The following IDNK variants were observed in gnomAD, a reference collection of about 807,000 sequenced individuals.
IDNK encodes gluconokinase.
In IDNK, 9 loss-of-function variants were observed where a neutral mutation model predicts 13.0. That is an observed-to-expected ratio of 0.69 (90% CI 0.42 to 1.21). IDNK has a LOEUF of 1.21. IDNK is among the 50% of genes most tolerant of loss of function. IDNK has a pLI of 0.00. For missense variants in IDNK, 210 were observed against 237.8 expected (o/e 0.88, Z 0.77); for synonymous variants, 92 against 94.9 (o/e 0.97, Z 0.18).
At chr9:83,625,992 TAATG>T (rs1157272372) in intron 1 of IDNK, among the ~76,000 whole-genome samples, 1 of 152,250 alleles carries the variant, frequency 6.6e-6, no homozygotes, top group Admixed American at 6.5e-5. Flanking sequence ...TTCACAATCT[TAATG>T]AAGCCACCCT....
At chr9:83,640,899 T>C (rs1048399483) in intron 3 of IDNK, among the ~76,000 whole-genome samples, 4 of 152,198 alleles carry the variant, frequency 2.6e-5, no homozygotes, top group Admixed American at 6.5e-5. Flanking sequence ...CTTTGTACTA[T>C]TTTGTCTGCT....
intron 3 of IDNK, among the ~76,000 whole-genome samples, chr9:83,629,446 C>T (rs1830952792): frequency 1.3e-5 from 2 of 152,228 alleles, no homozygotes; most frequent in Admixed American, 6.5e-5. Context: ...ACTTACACTG[C>T]TAAGCATGCA....
chr9:83,639,837 T>C (rs1340266891), intron 3 of IDNK, among the ~76,000 whole-genome samples: 1 of 152,196 alleles, frequency 6.6e-6, no homozygotes, highest in Non-Finnish European at 1.5e-5. Context: ...TTTATGTTAC[T>C]CCTTTGAAGT....
Position 83,643,733 on chromosome 9 carries a change from G to A in IDNK, c.517G>A (p.Val173Ile). Reference sequence around the variant, plus strand: ...TATCCAAATAAGTGTGGACAAAAATGTTTCAGAGATAATTGCTACAATTAT... The same window carrying A: ...TATCCAAATAAGTGTGGACAAAAATATTTCAGAGATAATTGCTACAATTAT... ...NFIQISVDKN[V>I]SEIIATIMET... Residue 173 changes from valine to isoleucine, a missense_variant, in exon 5 of 5, where the codon GTT (valine) becomes ATT (isoleucine). Coordinates refer to ENST00000376419, the MANE Select transcript of IDNK (RefSeq NM_001001551.4). 1 of 1,613,002 alleles carries A rather than the reference G, an allele frequency of 6.2e-7. No individual in the cohort carries two copies. Among genetic ancestry groups the A allele is most frequent in the South Asian group, 1.1e-5 (1 of 90,894 alleles).
intron 3 of IDNK, among the ~76,000 whole-genome samples, chr9:83,635,041 TTAAA>T (rs1831126653): frequency 1.3e-5 from 2 of 152,204 alleles, no homozygotes; most frequent in South Asian, 2.1e-4. Flanking sequence ...GGCACTAGTC[TTAAA>T]TAAAGCCTTA....
intron 1 of IDNK, 166 bp downstream of exon 1, chr9:83,623,387 C>T: frequency 3.0e-6 from 2 of 667,954 alleles, no homozygotes; most frequent in South Asian, 1.8e-5. Context: ...CTCTCCCCGC[C>T]CTCCAGCCTG....
At chr9:83,632,724 G>A (rs1831056791) in intron 3 of IDNK, among the ~76,000 whole-genome samples, 2 of 152,190 alleles carry the variant, frequency 1.3e-5, no homozygotes, top group Non-Finnish European at 2.9e-5. Context: ...GCCATAGGCA[G>A]AGATGCTAAT....
intron 3 of IDNK, among the ~76,000 whole-genome samples, chr9:83,634,990 T>C (rs1157697699): frequency 6.6e-6 from 1 of 152,210 alleles, no homozygotes; most frequent in African/African-American, 2.4e-5. Context: ...CACTTCCTCT[T>C]CTAAAGCATT....
At chr9:83,634,000 A>C (rs2131628194) in intron 3 of IDNK, among the ~76,000 whole-genome samples, 1 of 152,344 alleles carries the variant, frequency 6.6e-6, no homozygotes, top group Non-Finnish European at 1.5e-5. Context: ...TGAGGCACTG[A>C]CTTAAAGGGT....
intron 3 of IDNK, among the ~76,000 whole-genome samples, chr9:83,629,160 C>A (rs4146740): frequency 0.35 from 52,481 of 152,036 alleles, 10,607 homozygotes; most frequent in East Asian, 0.8. Context: ...GGAACAATGC[C>A]ACCCTCTGCC....
In IDNK at chr9:83,643,811, A is replaced by C. The variant is rs1198458032; in HGVS notation, c.*31A>C. 1.3e-6 allele frequency: 2 copies of C among 1,497,428 alleles called. No homozygotes were observed. The highest frequency in any genetic ancestry group is 3.5e-5 in the Admixed American group (2 of 56,802). 92.8% of individuals were successfully genotyped at this position (1,497,428 alleles called of 1,614,324 possible). On this transcript the variant is annotated 3_prime_UTR_variant, in exon 5 of 5. Transcript: ENST00000376419. ...ATTTTGTATCAGTGGTCCAAACAGA[A>C]CTAAGCATAAATCATTGTGCCATCC...
intron 3 of IDNK, among the ~76,000 whole-genome samples, chr9:83,638,347 A>G (rs1262202256): frequency 6.6e-6 from 1 of 152,240 alleles, no homozygotes; most frequent in African/African-American, 2.4e-5. Flanking sequence ...ACAGCTGAAG[A>G]GAGAACTAGT....
At position 83,628,079 on chromosome 9, in the gene IDNK, T is replaced by C. The variant is rs2282222; in HGVS notation, c.51-102T>C. 1.7e-3 allele frequency: 2,547 copies of C among 1,532,724 alleles called. 35 individuals carry two copies. The African/African-American group carries it at 0.029, about 17-fold the overall frequency. 94.9% of individuals were successfully genotyped at this position (1,532,724 alleles called of 1,614,324 possible). On this transcript the variant is annotated intron_variant, in intron 1 of 4. Transcript: ENST00000376419. ...GATTACACAGTGATTGGTGTTTAAA[T>C]TCCTGCTAAGGCAGCCATCCCTTTC...
chr9:83,626,511 A>G (rs1349246034), intron 1 of IDNK: 3 of 406,660 alleles, frequency 7.4e-6, no homozygotes, highest in Non-Finnish European at 1.5e-5. Context: ...CTGCCTCCTG[A>G]GTTCAAGCGA....
At chr9:83,623,792 A>G (rs1830771575) in intron 1 of IDNK, among the ~76,000 whole-genome samples, 1 of 152,182 alleles carries the variant, frequency 6.6e-6, no homozygotes, top group South Asian at 2.1e-4. Flanking sequence ...GAGGGTTTGG[A>G]AAGAAAGAAG....
At chr9:83,642,774 G>A (rs1831346544) in intron 4 of IDNK, among the ~76,000 whole-genome samples, 2 of 152,160 alleles carry the variant, frequency 1.3e-5, no homozygotes, top group African/African-American at 2.4e-5. Context: ...GGCCGCACTG[G>A]TTTCCCCTTA....
intron 3 of IDNK, among the ~76,000 whole-genome samples, chr9:83,633,244 C>T (rs1011820885): frequency 2.0e-5 from 3 of 152,120 alleles, no homozygotes; most frequent in East Asian, 1.9e-4. Flanking sequence ...GAGGCTGAGG[C>T]GGGAGAATGG....
intron 3 of IDNK, among the ~76,000 whole-genome samples, chr9:83,635,752 A>G (rs1356152384): frequency 1.3e-5 from 2 of 152,186 alleles, no homozygotes; most frequent in Admixed American, 6.5e-5. Flanking sequence ...TGTGGTCCTC[A>G]TTTTCTCAAA....
chr9:83,625,487 TAAA>T (rs1830824503), intron 1 of IDNK, among the ~76,000 whole-genome samples: 1 of 152,212 alleles, frequency 6.6e-6, no homozygotes, highest in African/African-American at 2.4e-5. Context: ...TGCATGTAGA[TAAA>T]GAAGCTGGCC....
Sources: gnomAD v4.1 joint callset for allele counts (sites outside exome capture counted in the v4.1 genomes callset) on GRCh38, gnomAD v4.1.1 for gene constraint, MANE v1.5 for transcripts, NCBI Gene and HGNC (gene_info 2026-07-23, HGNC 2026-07-21) for gene names.